Variants in TSHR observed in about 807,000 individuals in gnomAD.
TSHR encodes thyroid stimulating hormone receptor, also known as thyrotropin receptor.
A neutral mutation model predicts 64.1 loss-of-function variants in TSHR; 51 were observed. That is an observed-to-expected ratio of 0.80 (90% CI 0.64 to 1.01). The LOEUF (loss-of-function observed/expected upper bound fraction) is 1.01, where lower values mean the gene tolerates loss of function less well. Among genes scored for constraint, TSHR ranks in the 50% least tolerant of loss-of-function variants. The probability of loss-of-function intolerance (pLI) is 0.00; values close to 1 mark genes in which losing one functional copy is unlikely to be tolerated. For synonymous variants in TSHR, 361 were observed against 361.9 expected (o/e 1.00, Z 0.03); for missense variants, 877 against 942.8 (o/e 0.93, Z 0.91).
At chr14:81,133,376 C>T (rs374074363) in intron 8 of TSHR, among the ~76,000 whole-genome samples, 10 of 152,258 alleles carry the variant, frequency 6.6e-5, no homozygotes, top group East Asian at 5.8e-4. Flanking sequence ...TCAGAGGGAG[C>T]GTAGTCAGAG....
intron 1 of TSHR, among the ~76,000 whole-genome samples, chr14:81,060,669 GT>G (rs1886172662): frequency 6.6e-6 from 1 of 152,128 alleles, no homozygotes. Flanking sequence ...GAAATATATT[GT>G]TGAAAAGTAA....
chr14:81,024,956 G>A (rs571901777), intron 1 of TSHR, among the ~76,000 whole-genome samples: 8 of 152,276 alleles, frequency 5.3e-5, no homozygotes, highest in Non-Finnish European at 1.0e-4. Context: ...GAATTTACTG[G>A]AGACACAAAC....
intron 9 of TSHR, among the ~76,000 whole-genome samples, chr14:81,142,631 C>T (rs1369745828): frequency 1.7e-5 from 2 of 119,400 alleles, no homozygotes; most frequent in Non-Finnish European, 3.4e-5. Flanking sequence ...TTTTTTGAGA[C>T]AGGGTCTCAC....
At chr14:80,997,435 TA>T in intron 1 of TSHR, among the ~76,000 whole-genome samples, 1 of 152,286 alleles carries the variant, frequency 6.6e-6, no homozygotes, top group Middle Eastern at 3.4e-3. Context: ...TTACAAAATG[TA>T]AAGGATTTTT....
intron 1 of TSHR, chr14:81,001,336 T>A (rs1442022750): frequency 3.4e-6 from 1 of 297,726 alleles, no homozygotes; most frequent in Non-Finnish European, 6.6e-6. Flanking sequence ...TTAGGAAAAA[T>A]TTGTTCCTTT....
At position 81,144,504 on chromosome 14, in the gene TSHR, C is replaced by T; in HGVS notation, c.*151C>T. The stretch of plus-strand genomic sequence containing the variant: ...TGTTTCATGGGGCAAGAGTTTATCT[C>T]TGGAGAGTGATTAGTATTAACCTAA... On this transcript the variant is annotated 3_prime_UTR_variant, in exon 10 of 10. Transcript: ENST00000298171. The T allele has an allele frequency of 2.5e-6, 2 of 808,232 alleles. No individual in the cohort carries two copies. The highest frequency in any genetic ancestry group is 3.5e-4 in the Middle Eastern group (1 of 2,820). 50.1% of individuals were successfully genotyped at this position (808,232 alleles called of 1,614,324 possible).
chr14:81,002,781 C>CTTTTTTTTTTTTT (rs1174635270), intron 1 of TSHR, among the ~76,000 whole-genome samples: 27 of 44,310 alleles, frequency 6.1e-4, no homozygotes, highest in African/African-American at 1.3e-3. Context: ...CCTAATGCCT[C>CTTTTTTTTTTTTT]TTTTTTTTTT....
chr14:81,115,960 C>A (rs1323782884), intron 8 of TSHR, among the ~76,000 whole-genome samples: 1 of 152,038 alleles, frequency 6.6e-6, no homozygotes, highest in East Asian at 1.9e-4. Flanking sequence ...AAATAAAATG[C>A]TTTACAGACA....
intron 1 of TSHR, among the ~76,000 whole-genome samples, chr14:81,006,637 C>T (rs574154461): frequency 1.3e-5 from 2 of 152,190 alleles, no homozygotes; most frequent in East Asian, 1.9e-4. Context: ...CTCAGCCTCC[C>T]GAATAGCTGG....
intron 2 of TSHR, among the ~76,000 whole-genome samples, chr14:81,063,746 C>T (rs148197527): frequency 1.4e-4 from 22 of 152,096 alleles, no homozygotes; most frequent in African/African-American, 4.6e-4. Flanking sequence ...CAGTTTTATT[C>T]CTAAGAGAGT....
At chr14:81,118,336 T>C (rs1366102069) in intron 8 of TSHR, among the ~76,000 whole-genome samples, 14 of 90,630 alleles carry the variant, frequency 1.5e-4, no homozygotes, top group African/African-American at 7.1e-4. Context: ...AGTCTCAGGA[T>C]ACAAAATCAA....
intron 1 of TSHR, chr14:80,956,054 C>G: frequency 1.5e-6 from 1 of 648,868 alleles, no homozygotes. Context: ...TGTTGACATC[C>G]TCATTCCCAA....
At chr14:81,059,564 C>T (rs1006768081) in intron 1 of TSHR, among the ~76,000 whole-genome samples, 3 of 152,050 alleles carry the variant, frequency 2.0e-5, no homozygotes, top group Non-Finnish European at 2.9e-5. Flanking sequence ...AGTATTTTGT[C>T]CCAGCGTGTT....
At chr14:81,067,927 C>CTA (rs10528934) in intron 2 of TSHR, among the ~76,000 whole-genome samples, 38,313 of 95,538 alleles carry the variant, frequency 0.4, 8,385 homozygotes, top group Admixed American at 0.52. Context: ...CAGGGTGACA[C>CTA]TATATATATA....
chr14:81,128,064 G>T (rs1891088434), intron 8 of TSHR, among the ~76,000 whole-genome samples: 1 of 152,196 alleles, frequency 6.6e-6, no homozygotes, highest in Non-Finnish European at 1.5e-5. Context: ...ATCATGGAAA[G>T]TATAGGCTTA....
intron 1 of TSHR, chr14:81,053,925 C>T (rs1006192664): frequency 6.6e-6 from 1 of 152,070 alleles, no homozygotes; most frequent in African/African-American, 2.4e-5. Context: ...ATAAAAGAAG[C>T]AAGGCAGAAA....
intron 4 of TSHR, 43 bp from the exon 5 acceptor site, chr14:81,091,025 AC>A: frequency 6.6e-7 from 1 of 1,525,606 alleles, no homozygotes. Context: ...TGATTTTTTT[AC>A]CTAAATTCTA....
chr14:81,013,495 TA>T (rs1467476550), intron 1 of TSHR: 3 of 152,196 alleles, frequency 2.0e-5, no homozygotes. Flanking sequence ...AACAGATGTT[TA>T]TAAAGGATTT....
intron 8 of TSHR, among the ~76,000 whole-genome samples, chr14:81,116,859 G>A (rs1352804960): frequency 6.7e-6 from 1 of 149,166 alleles, no homozygotes; most frequent in Non-Finnish European, 1.5e-5. Flanking sequence ...AATCAAACTA[G>A]AACTCAGGAT....
Sources: allele counts gnomAD v4.1 joint callset (sites outside exome capture counted in the v4.1 genomes callset), GRCh38; gene constraint gnomAD v4.1.1; transcripts MANE v1.5; gene names NCBI Gene and HGNC (gene_info 2026-07-23, HGNC 2026-07-21).